BIRC6: variants seen among roughly 807,000 people sequenced by gnomAD.
BIRC6 encodes the protein baculoviral IAP repeat containing 6, also known as dual E2 ubiquitin-conjugating enzyme/E3 ubiquitin-protein ligase BIRC6.
BIRC6 carries 98 observed loss-of-function variants against 503.3 expected under a neutral mutation model. The ratio of observed to expected loss-of-function variants is 0.19; its 90% CI spans 0.17 to 0.23. The LOEUF (loss-of-function observed/expected upper bound fraction) is 0.23, where lower values mean the gene tolerates loss of function less well. Among genes scored for constraint, BIRC6 ranks in the 10% least tolerant of loss-of-function variants. The pLI is 1.00. For missense variants in BIRC6, 5,360 were observed against 5,806.0 expected, an observed-to-expected ratio of 0.92 and a Z score of 2.50; for synonymous variants, 2,240 against 2,078.7, an observed-to-expected ratio of 1.08 and a Z score of -2.11.
At chr2:32,592,845 T>A (rs544685115) in intron 66 of BIRC6, among the ~76,000 whole-genome samples, 25 of 152,338 alleles carry the variant, frequency 1.6e-4, no homozygotes, top group Middle Eastern at 3.4e-3. Flanking sequence ...TCCACCCGCC[T>A]CAGCCTCCCA....
At position 32,543,502 on chromosome 2, in the gene BIRC6, C is replaced by A; in HGVS notation, c.12553C>A (p.Leu4185Ile). The change falls in exon 62 of 74, where the codon CTT becomes ATT. Residue 4185 changes from leucine to isoleucine, a missense_variant. By Grantham distance (5) the Leu-to-Ile change is conservative (BLOSUM62 2). Transcript: ENST00000421745. Reference protein sequence around the residue: ...LKERKHAQCLLRLVLGVTDDG... With the variant: ...LKERKHAQCLIRLVLGVTDDG... ...AGAGAGAAAACATGCCCAGTGCCTT[C>A]TTCGATTGGTATTGGGAGTGACAGA... The A allele has an allele frequency of 2.5e-6, 4 of 1,613,888 alleles. No homozygotes were observed. Among genetic ancestry groups the A allele is most frequent in the Non-Finnish European group, 3.4e-6 (4 of 1,179,870 alleles).
intron 66 of BIRC6, among the ~76,000 whole-genome samples, chr2:32,587,138 C>T (rs1459578363): frequency 6.6e-6 from 1 of 152,200 alleles, no homozygotes; most frequent in African/African-American, 2.4e-5. Context: ...CCTGTAATCC[C>T]AGCACTTTGG....
intron 9 of BIRC6, among the ~76,000 whole-genome samples, chr2:32,407,003 A>G (rs1017985002): frequency 1.7e-4 from 26 of 152,320 alleles, no homozygotes; most frequent in African/African-American, 5.8e-4. Context: ...TATACTTCGT[A>G]TTTTAATGTT....
At chr2:32,359,815 C>T (rs1401021058) in intron 1 of BIRC6, among the ~76,000 whole-genome samples, 2 of 152,124 alleles carry the variant, frequency 1.3e-5, no homozygotes, top group Non-Finnish European at 2.9e-5. Flanking sequence ...ATGATCCTCC[C>T]ACCTCAGCCT....
chr2:32,558,712 A>G (rs1020588482), intron 65 of BIRC6: 5 of 152,210 alleles, frequency 3.3e-5, no homozygotes, highest in Admixed American at 6.5e-5. Context: ...CACAATAGTG[A>G]TGAATGAACC....
intron 12 of BIRC6, among the ~76,000 whole-genome samples, chr2:32,431,533 TA>T (rs1485648425): frequency 2.0e-5 from 3 of 152,150 alleles, no homozygotes; most frequent in Non-Finnish European, 4.4e-5. Context: ...TATACAGTAA[TA>T]TACTTAGGAA....
chr2:32,388,562 C>T (rs2038810294), intron 3 of BIRC6, among the ~76,000 whole-genome samples, 188 bp from the exon 4 acceptor site: 1 of 152,056 alleles, frequency 6.6e-6, no homozygotes, highest in African/African-American at 2.4e-5. Flanking sequence ...AGATTGGTTC[C>T]ATATCTTGGC....
chr2:32,508,321 G>A (rs2149570596), intron 51 of BIRC6, 62 bp downstream of exon 51: 1 of 1,418,130 alleles, frequency 7.1e-7, no homozygotes, highest in East Asian at 2.5e-5. Flanking sequence ...TTGGGAGATA[G>A]GGGACTTAAT....
At chr2:32,450,265 T>C (rs2046545072) in intron 22 of BIRC6, among the ~76,000 whole-genome samples, 1 of 152,090 alleles carries the variant, frequency 6.6e-6, no homozygotes. Flanking sequence ...GATCACGAGG[T>C]CAGGAGATCG....
chr2:32,534,102 C>T (rs2056999149), intron 61 of BIRC6, among the ~76,000 whole-genome samples: 1 of 151,954 alleles, frequency 6.6e-6, no homozygotes, highest in Non-Finnish European at 1.5e-5. Flanking sequence ...GCCTGTAATC[C>T]TGTAATCACA....
At chr2:32,459,163 A>T (rs2047561107) in intron 23 of BIRC6, among the ~76,000 whole-genome samples, 1 of 152,172 alleles carries the variant, frequency 6.6e-6, no homozygotes, top group Non-Finnish European at 1.5e-5. Flanking sequence ...CCATCACTAC[A>T]GGAAGAAACT....
At position 32,471,058 on chromosome 2, in the gene BIRC6, T is replaced by A. The variant is rs777152428; in HGVS notation, c.6526T>A (p.Ser2176Thr). ...PMISWVVMLV[S>T]RLLDYVATVE... ...GATCAGTTGGGTTGTTATGCTGGTG[T>A]CCAGGTTGCTGGATTATGTGGCAAC... Residue 2176 changes from serine (S) to threonine (T), a missense_variant, in exon 32 of 74, where the codon TCC becomes ACC. Ser to Thr is a moderately conservative substitution (Grantham distance 58). Transcript: ENST00000421745. The A allele has an allele frequency of 1.3e-6, 2 of 1,583,328 alleles. No individual in the cohort carries two copies. The highest frequency in any genetic ancestry group is 8.6e-7 in the Non-Finnish European group (1 of 1,162,692).
At chr2:32,544,008 A>T (rs1047178338) in intron 62 of BIRC6, among the ~76,000 whole-genome samples, 1 of 152,176 alleles carries the variant, frequency 6.6e-6, no homozygotes, top group Non-Finnish European at 1.5e-5. Context: ...GCCTTGAAGG[A>T]CAGATTAGAT....
At position 32,545,845 on chromosome 2, in the gene BIRC6, C is replaced by T. The variant is rs775276590; in HGVS notation, c.12795C>T (p.Ser4265=). The T allele has an allele frequency of 6.4e-5, 104 of 1,612,860 alleles. No individual in the cohort carries two copies. The highest frequency in any genetic ancestry group is 5.0e-4 in the Middle Eastern group (3 of 6,060). ...SHHSPRVPNS[S]VNQTEPQVSS... ...ATTCCCCACGAGTTCCAAACTCTAG[C>T]GTGAATCAAACTGAGGTAGGTTCAC... is the stretch of plus-strand genomic sequence containing the variant. The change falls in exon 63 of 74, where the codon AGC becomes AGT. Residue 4265 remains serine, a synonymous_variant. Coordinates refer to ENST00000421745, the MANE Select transcript of BIRC6 (RefSeq NM_016252.4).
At chr2:32,541,615 G>A (rs1028490888) in intron 61 of BIRC6, among the ~76,000 whole-genome samples, 2 of 152,050 alleles carry the variant, frequency 1.3e-5, no homozygotes, top group African/African-American at 4.8e-5. Flanking sequence ...ATAACTCTGT[G>A]ATTAGCTCAC....
chr2:32,560,714 C>G (rs1324014177), intron 65 of BIRC6, among the ~76,000 whole-genome samples: 2 of 152,084 alleles, frequency 1.3e-5, no homozygotes, highest in Admixed American at 6.5e-5. Context: ...CTACAGGCAC[C>G]TGCCACCATG....
rs561604759 is a variant in BIRC6 at position 32,549,420 on chromosome 2, C to G, written c.13083C>G (p.Leu4361=). ...QNSNALPSVL[L]ELLSQSCLIP... ...GTAATGCCCTTCCTTCTGTACTTCTCGAGCTTCTCAGTCAGTCCTGCCTCA... is the reference window on the plus strand; with the variant it reads ...GTAATGCCCTTCCTTCTGTACTTCTGGAGCTTCTCAGTCAGTCCTGCCTCA... Residue 4361 remains leucine, a synonymous_variant, in exon 65 of 74, where the codon CTC becomes CTG. Coordinates refer to ENST00000421745, the MANE Select transcript of BIRC6 (RefSeq NM_016252.4). The G allele has an allele frequency of 2.7e-6, 4 of 1,507,274 alleles. No homozygotes were observed. Among genetic ancestry groups the G allele is most frequent in the African/African-American group, 2.7e-5 (2 of 73,588 alleles). 93.4% of individuals were successfully genotyped at this position (1,507,274 alleles called of 1,614,324 possible).
chr2:32,551,283 G>C (rs964506278), intron 65 of BIRC6, among the ~76,000 whole-genome samples: 1 of 151,704 alleles, frequency 6.6e-6, no homozygotes, highest in Non-Finnish European at 1.5e-5. Flanking sequence ...TTTTTAAGTG[G>C]CTACTATTTA....
intron 65 of BIRC6, among the ~76,000 whole-genome samples, chr2:32,560,393 A>G (rs1047978166): frequency 1.3e-5 from 2 of 152,164 alleles, no homozygotes; most frequent in African/African-American, 2.4e-5. Context: ...ACTCCTTGAT[A>G]TGAAGAGAAT....
Sources: gnomAD v4.1 joint callset for allele counts (sites outside exome capture counted in the v4.1 genomes callset) on GRCh38, gnomAD v4.1.1 for gene constraint, MANE v1.5 for transcripts, NCBI Gene and HGNC (gene_info 2026-07-23, HGNC 2026-07-21) for gene names.